TBCK: variants seen among roughly 807,000 people sequenced by gnomAD.
TBCK encodes the protein TBC domain-containing protein kinase-like protein.
Under a neutral mutation model 113.4 loss-of-function variants are expected in TBCK, and 99 were observed. That is an observed-to-expected ratio of 0.87 (90% confidence interval 0.74 to 1.03). TBCK has a LOEUF of 1.03. Among genes scored for constraint, TBCK ranks in the 50% least tolerant of loss-of-function variants. The probability of loss-of-function intolerance (pLI) is 0.00; values close to 1 mark genes in which losing one functional copy is unlikely to be tolerated. For synonymous variants in TBCK, 369 were observed against 370.8 expected (o/e 1.00, Z 0.05); for missense variants, 1,045 against 1,061.3 (o/e 0.98, Z 0.21).
intron 2 of TBCK, among the ~76,000 whole-genome samples, chr4:106,306,075 G>A (rs369637442): frequency 6.6e-5 from 10 of 150,950 alleles, no homozygotes; most frequent in Admixed American, 6.6e-4. Context: ...ATTCCTTGCC[G>A]CACAAGATCC....
At position 106,095,640 on chromosome 4, in the gene TBCK, A is replaced by G. The variant is rs2149518966; in HGVS notation, c.2413T>C (p.Phe805Leu). Reference sequence around the variant, plus strand: ...CTTCCTGAAATGTGACCACGAATAAAGCTGAGAAGGAAAGTTTAAGGAAAA... The same window carrying G: ...CTTCCTGAAATGTGACCACGAATAAGGCTGAGAAGGAAAGTTTAAGGAAAA... ...LVVDIRNSED[F>L]IRGHISGSIN... The change falls in exon 25 of 26, where the codon TTT becomes CTT. Residue 805 changes from phenylalanine (F) to leucine (L), a missense_variant and splice_region_variant. Physicochemically the swap from Phe to Leu is conservative, Grantham distance 22. Transcript: ENST00000394708. 1 of 1,612,304 alleles carries G rather than the reference A, an allele frequency of 6.2e-7. No homozygotes were observed. Among genetic ancestry groups the G allele is most frequent in the Non-Finnish European group, 8.5e-7 (1 of 1,179,240 alleles).
At chr4:106,153,151 T>C (rs1748702685) in intron 23 of TBCK, among the ~76,000 whole-genome samples, 1 of 152,098 alleles carries the variant, frequency 6.6e-6, no homozygotes, top group Non-Finnish European at 1.5e-5. Flanking sequence ...AGATGCATCA[T>C]TAGGTTATTT....
At chr4:106,269,987 A>G (rs1034364390) in intron 3 of TBCK, among the ~76,000 whole-genome samples, 7 of 152,126 alleles carry the variant, frequency 4.6e-5, no homozygotes, top group African/African-American at 1.7e-4. Flanking sequence ...CTCCATTTGC[A>G]AATTTATAAA....
At chr4:106,194,472 A>C (rs1753993100) in intron 21 of TBCK, among the ~76,000 whole-genome samples, 1 of 151,910 alleles carries the variant, frequency 6.6e-6, no homozygotes, top group Non-Finnish European at 1.5e-5. Flanking sequence ...TTTTTTTTCA[A>C]AGGGGGGCAG....
At chr4:106,233,547 G>A (rs1291070812) in intron 16 of TBCK, 41 bp downstream of exon 16, 1 of 1,512,738 alleles carries the variant, frequency 6.6e-7, no homozygotes, top group East Asian at 2.3e-5. Flanking sequence ...TAAATATTTG[G>A]CAGAATTATC....
At chr4:106,164,310 T>C (rs1318567015) in intron 23 of TBCK, 2 of 152,038 alleles carry the variant, frequency 1.3e-5, no homozygotes, top group South Asian at 2.1e-4. Context: ...AGACAGTGTT[T>C]AGTTCTCCTT....
intron 2 of TBCK, 143 bp from the exon 3 acceptor site, chr4:106,295,309 T>C: frequency 1.9e-6 from 1 of 531,472 alleles, no homozygotes; most frequent in South Asian, 4.4e-5. Flanking sequence ...ATTAACTACA[T>C]TATTACCAAG....
intron 23 of TBCK, among the ~76,000 whole-genome samples, chr4:106,154,627 C>T (rs185019293): frequency 2.6e-5 from 4 of 152,192 alleles, no homozygotes; most frequent in Admixed American, 1.3e-4. Context: ...CATCTCCCCC[C>T]TCTCTTATTC....
At chr4:106,105,362 A>C (rs932702773) in intron 24 of TBCK, among the ~76,000 whole-genome samples, 5 of 152,194 alleles carry the variant, frequency 3.3e-5, no homozygotes, top group African/African-American at 4.8e-5. Context: ...CCTTGGCCAC[A>C]ACCACTACTA....
At chr4:106,272,488 A>ATTT (rs746246379) in intron 3 of TBCK, among the ~76,000 whole-genome samples, 6 of 124,564 alleles carry the variant, frequency 4.8e-5, no homozygotes, top group African/African-American at 9.6e-5. Flanking sequence ...TGTTTATTTA[A>ATTT]TTTTTTTTTT....
chr4:106,049,318 T>C (rs1734551754), intron 25 of TBCK, among the ~76,000 whole-genome samples: 1 of 152,038 alleles, frequency 6.6e-6, no homozygotes, highest in Admixed American at 6.6e-5. Flanking sequence ...AGTTTAGGGA[T>C]CTTAGCAGTC....
At chr4:106,061,716 T>A (rs1028246820) in intron 25 of TBCK, among the ~76,000 whole-genome samples, 4 of 151,478 alleles carry the variant, frequency 2.6e-5, no homozygotes, top group African/African-American at 4.8e-5. Context: ...CAGATCCTTA[T>A]TACAAGATGG....
intron 9 of TBCK, 34 bp from the exon 10 acceptor site, chr4:106,247,321 A>C: frequency 6.3e-7 from 1 of 1,598,524 alleles, no homozygotes; most frequent in South Asian, 1.1e-5. Flanking sequence ...GCATGAATGA[A>C]AGTCATAAAA....
intron 19 of TBCK, among the ~76,000 whole-genome samples, chr4:106,219,754 G>T (rs1757451949): frequency 6.6e-6 from 1 of 151,658 alleles, no homozygotes; most frequent in Non-Finnish European, 1.5e-5. Context: ...GTCTAGGCTG[G>T]TCTCAAACTC....
chr4:106,251,631 T>C (rs889197834), intron 6 of TBCK, among the ~76,000 whole-genome samples: 1 of 151,938 alleles, frequency 6.6e-6, no homozygotes, highest in South Asian at 2.1e-4. Context: ...TATAGAGATA[T>C]CAAAATAATA....
At chr4:106,054,871 T>TA (rs1270289581) in intron 25 of TBCK, among the ~76,000 whole-genome samples, 1 of 151,664 alleles carries the variant, frequency 6.6e-6, no homozygotes, top group African/African-American at 2.4e-5. Context: ...CTTTTACTAA[T>TA]AGAGTCTTCA....
intron 19 of TBCK, among the ~76,000 whole-genome samples, chr4:106,216,333 A>G (rs1263716724): frequency 3.9e-5 from 6 of 152,138 alleles, no homozygotes; most frequent in African/African-American, 1.4e-4. Context: ...AAACACATTC[A>G]AAAGCTAGCA....
At chr4:106,168,119 A>G (rs1281408307) in intron 23 of TBCK, among the ~76,000 whole-genome samples, 2 of 151,894 alleles carry the variant, frequency 1.3e-5, no homozygotes, top group Non-Finnish European at 2.9e-5. Context: ...AGTCAAATCC[A>G]ACAATGTATA....
chr4:106,308,681 A>C, intron 2 of TBCK, 87 bp downstream of exon 2: 1 of 1,245,364 alleles, frequency 8.0e-7, no homozygotes, highest in South Asian at 1.5e-5. Context: ...TACTGATGAT[A>C]GCTTTATATA....
Sources: gnomAD v4.1 joint callset for allele counts (sites outside exome capture counted in the v4.1 genomes callset) on GRCh38, gnomAD v4.1.1 for gene constraint, MANE v1.5 for transcripts, NCBI Gene and HGNC (gene_info 2026-07-23, HGNC 2026-07-21) for gene names.